UBXN7: variants seen among roughly 807,000 people sequenced by gnomAD.
UBXN7 encodes UBX domain-containing protein 7.
Under a neutral mutation model 58.0 loss-of-function variants are expected in UBXN7, and 9 were observed. That is an observed-to-expected ratio of 0.16 (90% CI 0.09 to 0.27). The LOEUF (loss-of-function observed/expected upper bound fraction) is 0.27, where lower values mean the gene tolerates loss of function less well. UBXN7 is among the 10% of genes least tolerant of loss of function. UBXN7 has a pLI of 1.00. For missense variants in UBXN7, 328 were observed against 599.6 expected, an observed-to-expected ratio of 0.55 and a Z score of 4.73; for synonymous variants, 208 against 205.0, an observed-to-expected ratio of 1.01 and a Z score of -0.12.
At chr3:196,404,364 G>A (rs1244010467) in intron 2 of UBXN7, among the ~76,000 whole-genome samples, 1 of 148,914 alleles carries the variant, frequency 6.7e-6, no homozygotes, top group Admixed American at 6.9e-5. Context: ...CCAGGTTCAC[G>A]CCATTCTCCT....
chr3:196,410,955 TAC>T (rs2108618381), intron 1 of UBXN7, among the ~76,000 whole-genome samples: 1 of 152,300 alleles, frequency 6.6e-6, no homozygotes, highest in African/African-American at 2.4e-5. Context: ...TTCCTCATCC[TAC>T]ACAGTTTACT....
At position 196,385,781 on chromosome 3, in the gene UBXN7, G is replaced by A. The variant is rs534159490; in HGVS notation, c.468+6032C>T. Among the ~76,000 whole-genome samples the A allele has an allele frequency of 2.3e-4, 35 of 149,436 alleles. No individual in the cohort carries two copies. In the South Asian group the frequency reaches 3.0e-3, roughly 13 times the overall value. On this transcript the variant is annotated intron_variant, in intron 5 of 10. Coordinates refer to ENST00000296328, the MANE Select transcript of UBXN7 (RefSeq NM_015562.2). ...CAGCCCCCACCCGGCCAGCCGCCCCGTCTGGGAAGTGGGGGGGGTGGGGGC... is the reference window on the plus strand; with the variant it reads ...CAGCCCCCACCCGGCCAGCCGCCCCATCTGGGAAGTGGGGGGGGTGGGGGC...
At chr3:196,396,396 TAA>T (rs79527660) in intron 3 of UBXN7, among the ~76,000 whole-genome samples, 46,032 of 141,818 alleles carry the variant, frequency 0.32, 8,466 homozygotes, top group East Asian at 0.82. Context: ...CCCTGTCTCT[TAA>T]AAAAAAAAAA....
intron 6 of UBXN7, among the ~76,000 whole-genome samples, chr3:196,370,927 AC>A (rs1728814678): frequency 6.6e-6 from 1 of 151,884 alleles, no homozygotes; most frequent in Non-Finnish European, 1.5e-5. Context: ...TACTCAAGAA[AC>A]TGAGGTGGAA....
chr3:196,395,796 C>T (rs1729751147), intron 3 of UBXN7, among the ~76,000 whole-genome samples: 1 of 151,948 alleles, frequency 6.6e-6, no homozygotes, highest in South Asian at 2.1e-4. Flanking sequence ...GACAGAGTCT[C>T]ACTCTGTTGC....
chr3:196,375,543 G>C (rs1046511810), intron 5 of UBXN7, among the ~76,000 whole-genome samples: 1 of 152,140 alleles, frequency 6.6e-6, no homozygotes, highest in Admixed American at 6.6e-5. Flanking sequence ...TCAAGGACTG[G>C]AGGTGAGAGT....
At chr3:196,376,305 G>A (rs926934940) in intron 5 of UBXN7, among the ~76,000 whole-genome samples, 1 of 152,010 alleles carries the variant, frequency 6.6e-6, no homozygotes, top group Admixed American at 6.6e-5. Context: ...CACTTTGGGA[G>A]GCCGAGGTGG....
rs1000764422 is a variant in UBXN7, at chr3:196,362,234, T to C, written c.1228+60A>G. On this transcript the variant is annotated intron_variant, in intron 9 of 10. Coordinates refer to ENST00000296328, the MANE Select transcript of UBXN7 (RefSeq NM_015562.2). ...GTCTTGGAACTCCTAACCTCAGTGA[T>C]CCACCACGCCCGGCCCCAATATCTA... 2.6e-6 allele frequency: 4 copies of C among 1,526,238 alleles called. No homozygotes were observed. The African/African-American group carries it at 5.6e-5, about 21-fold the overall frequency. 94.5% of individuals were successfully genotyped at this position (1,526,238 alleles called of 1,614,324 possible).
chr3:196,404,933 C>T (rs910836058), intron 2 of UBXN7, among the ~76,000 whole-genome samples: 8 of 152,098 alleles, frequency 5.3e-5, no homozygotes, highest in African/African-American at 1.9e-4. Context: ...GCAGGTGGAT[C>T]GCTTGAGCTC....
chr3:196,414,547 C>T (rs1392256954), intron 1 of UBXN7: 1 of 152,204 alleles, frequency 6.6e-6, no homozygotes, highest in Non-Finnish European at 1.5e-5. Flanking sequence ...CCACATGGAC[C>T]TACCGGCATC....
intron 3 of UBXN7, among the ~76,000 whole-genome samples, chr3:196,402,098 T>C (rs906655999): frequency 6.6e-5 from 10 of 152,154 alleles, no homozygotes; most frequent in Non-Finnish European, 1.3e-4. Context: ...CTCGGCTCAC[T>C]GCAACCTCAG....
At chr3:196,365,564 C>G (rs1172004527) in intron 8 of UBXN7, among the ~76,000 whole-genome samples, 1 of 152,122 alleles carries the variant, frequency 6.6e-6, no homozygotes, top group Non-Finnish European at 1.5e-5. Flanking sequence ...CACACCCCAG[C>G]TGGTTCCGTA....
At chr3:196,360,113 AGGTT>A (rs1728465925) in intron 10 of UBXN7, among the ~76,000 whole-genome samples, 1 of 152,218 alleles carries the variant, frequency 6.6e-6, no homozygotes, top group Non-Finnish European at 1.5e-5. Context: ...AAGCTAGCAG[AGGTT>A]GGTTCATGAG....
At chr3:196,374,984 A>AAGGGAGGG (rs71161922) in intron 5 of UBXN7, among the ~76,000 whole-genome samples, 11 of 32,450 alleles carry the variant, frequency 3.4e-4, no homozygotes, top group Admixed American at 6.4e-4. Context: ...GGAAGGAAGG[A>AAGGGAGGG]AGGGAGGGAG....
Position 196,351,484 on chromosome 3 carries a change from T to A in UBXN7, c.*5201A>T, listed in dbSNP as rs1577424691. On this transcript the variant is annotated 3_prime_UTR_variant, in exon 11 of 11. Transcript: ENST00000296328. ...GGTCAAATGATACCTGAACACAGAA[T>A]AAAAAAAAGAGAGAAAAAAAAAGTA... 6.7e-6 allele frequency: 1 copy of A among 149,908 alleles called. No individual in the cohort carries two copies. The highest frequency in any genetic ancestry group is 2.5e-5 in the African/African-American group (1 of 40,596). The allele number at this position is 149,908 out of a possible 1,614,324, so 9.3% of individuals were successfully genotyped here.
intron 1 of UBXN7, among the ~76,000 whole-genome samples, chr3:196,420,095 TAAC>T (rs769785577): frequency 6.6e-5 from 10 of 152,228 alleles, no homozygotes; most frequent in South Asian, 2.1e-4. Flanking sequence ...AAGAGGGACT[TAAC>T]AATTTCTGAT....
At chr3:196,408,572 T>C (rs575557252) in intron 1 of UBXN7, among the ~76,000 whole-genome samples, 11 of 152,204 alleles carry the variant, frequency 7.2e-5, no homozygotes, top group Non-Finnish European at 1.5e-4. Context: ...ATGATTTTTC[T>C]TCTATCTGAA....
At chr3:196,419,376 C>T (rs1209811983) in intron 1 of UBXN7, among the ~76,000 whole-genome samples, 2 of 152,240 alleles carry the variant, frequency 1.3e-5, no homozygotes, top group Admixed American at 6.5e-5. Flanking sequence ...TAGTGAACTG[C>T]AAGAGCGTTC....
intron 5 of UBXN7, among the ~76,000 whole-genome samples, chr3:196,377,194 C>T (rs1301539489): frequency 6.6e-6 from 1 of 152,178 alleles, no homozygotes; most frequent in Non-Finnish European, 1.5e-5. Flanking sequence ...AATGAAGTCC[C>T]TGTGTTCATA....
Sources: gnomAD v4.1 joint callset for allele counts (sites outside exome capture counted in the v4.1 genomes callset) on GRCh38, gnomAD v4.1.1 for gene constraint, MANE v1.5 for transcripts, NCBI Gene and HGNC (gene_info 2026-07-23, HGNC 2026-07-21) for gene names.